Variants in PTPN4 observed in about 807,000 individuals in gnomAD.
PTPN4 encodes the protein protein tyrosine phosphatase non-receptor type 4.
In PTPN4, 49 loss-of-function variants were observed where a neutral mutation model predicts 135.5. The ratio of observed to expected loss-of-function variants is 0.36; its 90% CI spans 0.29 to 0.46. The LOEUF (loss-of-function observed/expected upper bound fraction) is 0.46, where lower values mean the gene tolerates loss of function less well. PTPN4 is among the 20% of genes least tolerant of loss of function. The pLI, the probability that PTPN4 is intolerant of heterozygous loss-of-function variation, is 1.00. For synonymous variants in PTPN4, 333 were observed against 369.9 expected (o/e 0.90, Z 1.14); for missense variants, 860 against 1,101.0 (o/e 0.78, Z 3.10).
chr2:119,778,963 G>C (rs6722893), intron 1 of PTPN4, among the ~76,000 whole-genome samples: 13,235 of 152,180 alleles, frequency 0.087, 719 homozygotes, highest in Middle Eastern at 0.18. Flanking sequence ...TCTTATTTAA[G>C]TTGTTGCATA....
At chr2:119,969,520 G>T (rs374752887) in intron 26 of PTPN4, among the ~76,000 whole-genome samples, 3 of 149,348 alleles carry the variant, frequency 2.0e-5, no homozygotes, top group African/African-American at 7.4e-5. Flanking sequence ...AAATAAAACC[G>T]CAGTACAATT....
At chr2:119,965,765 T>C (rs578136981) in intron 25 of PTPN4, 120 bp downstream of exon 25, 3 of 1,197,800 alleles carry the variant, frequency 2.5e-6, no homozygotes, top group Admixed American at 2.6e-5. Flanking sequence ...CTCAAAGCTA[T>C]GCTCTGAAGG....
At chr2:119,953,195 ACAATTTACTATTAAT>A (rs1205245480) in intron 19 of PTPN4, among the ~76,000 whole-genome samples, 1 of 152,180 alleles carries the variant, frequency 6.6e-6, no homozygotes, top group African/African-American at 2.4e-5. Context: ...TTTGTTCTAT[ACAATTTACTATTAAT>A]CATTATTTTA....
intron 16 of PTPN4, 27 bp from the exon 17 acceptor site, chr2:119,946,314 C>G (rs766444001): frequency 6.7e-7 from 1 of 1,494,050 alleles, no homozygotes; most frequent in Non-Finnish European, 9.2e-7. Context: ...AAGAAAATTA[C>G]AAGTTATTTA....
In PTPN4 at chr2:119,877,381, T is replaced by C; in HGVS notation, c.289+16T>C. 1 of 1,611,386 alleles carries C rather than the reference T, an allele frequency of 6.2e-7. No homozygotes were observed. The highest frequency in any genetic ancestry group is 1.1e-5 in the South Asian group (1 of 90,184). On this transcript the variant is annotated intron_variant, in intron 4 of 26. Transcript: ENST00000263708. ...CAGCTAAAGAGTGAGCATACATATT[T>C]ACTTAATGTTTTGCAAGTTTACTTT... is the stretch of plus-strand genomic sequence containing the variant.
intron 1 of PTPN4, among the ~76,000 whole-genome samples, chr2:119,773,577 A>G (rs149849224): frequency 1.3e-5 from 2 of 152,196 alleles, no homozygotes; most frequent in East Asian, 3.9e-4. Context: ...ATCTACTAAA[A>G]ATACAAAAAT....
chr2:119,957,038 A>G lies in PTPN4; in HGVS notation c.2094A>G (p.Leu698=). The G allele has an allele frequency of 6.2e-7, 1 of 1,610,800 alleles. No homozygotes were observed. Among genetic ancestry groups the G allele is most frequent in the Non-Finnish European group, 8.5e-7 (1 of 1,178,640 alleles). The change falls in exon 22 of 27, where the codon TTA becomes TTG. Residue 698 remains leucine (L), a synonymous_variant. Coordinates refer to ENST00000263708, the MANE Select transcript of PTPN4 (RefSeq NM_002830.4). The part of the protein sequence containing the change: ...ISPYDATRVI[L]KGNEDYINAN... ...TAGATGATGCCACACGGGTCATTTT[A>G]AAAGGTAATGAAGACTACATCAATG... is the stretch of plus-strand genomic sequence containing the variant.
chr2:119,791,466 A>G (rs999735580), intron 1 of PTPN4, among the ~76,000 whole-genome samples: 2 of 152,154 alleles, frequency 1.3e-5, no homozygotes, highest in African/African-American at 4.8e-5. Flanking sequence ...TTTTTATTAT[A>G]GGACAGATTG....
chr2:119,952,516 A>ATAG (rs1232096745), intron 19 of PTPN4, among the ~76,000 whole-genome samples: 1 of 152,160 alleles, frequency 6.6e-6, no homozygotes, highest in Non-Finnish European at 1.5e-5. Context: ...CCTGACTACC[A>ATAG]TAGCTAAAAT....
In PTPN4 at chr2:119,876,938, T is replaced by TGC. The variant is rs1238439217; in HGVS notation, c.247-384_247-383insCG. Among the ~76,000 whole-genome samples, 417 of 136,294 alleles carry TGC rather than the reference T, an allele frequency of 3.1e-3. 3 individuals carry two copies. The highest frequency in any genetic ancestry group is 8.7e-3 in the African/African-American group (328 of 37,842). 89.4% of individuals were successfully genotyped at this position (136,294 alleles called of 152,430 possible). A position where few individuals can be genotyped will look rare whatever the true frequency, so the allele number is the denominator to read the frequency against. On this transcript the variant is annotated intron_variant, in intron 3 of 26. Transcript: ENST00000263708. ...GTGTGTGTGTGTGTGTGTGTGTGTG[T>TGC]GTGCGTGAAGGGTGAAGAGAATTTT...
chr2:119,881,743 C>A (rs1678082491), intron 5 of PTPN4, 43 bp from the exon 6 acceptor site: 1 of 1,343,408 alleles, frequency 7.4e-7, no homozygotes, highest in Non-Finnish European at 1.0e-6. Flanking sequence ...GAAATTGTTA[C>A]AATTCTATTA....
At chr2:119,911,323 T>C (rs1166596841) in intron 10 of PTPN4, among the ~76,000 whole-genome samples, 2 of 152,158 alleles carry the variant, frequency 1.3e-5, no homozygotes, top group African/African-American at 4.8e-5. Context: ...GGGGTTATTT[T>C]AAGAATATAA....
intron 3 of PTPN4, 92 bp downstream of exon 3, chr2:119,862,735 T>A: frequency 9.9e-7 from 1 of 1,013,072 alleles, no homozygotes; most frequent in Non-Finnish European, 1.4e-6. Flanking sequence ...TTCACTGATT[T>A]GATGAGTTTT....
In PTPN4 at chr2:119,782,233, A is replaced by G. The variant is rs1246578081; in HGVS notation, c.-18+21849A>G. 2.0e-5 allele frequency among the ~76,000 whole-genome samples: 3 copies of G among 152,096 alleles called. No homozygotes were observed. The East Asian group carries it at 5.8e-4, about 29-fold the overall frequency. ...GGAGTTCAAAACCAGCCTGGCCAAC[A>G]TGGTGAAACCCCGTCTCTACTAAAA... On this transcript the variant is annotated intron_variant, in intron 1 of 26. Transcript: ENST00000263708.
At chr2:119,813,757 C>T (rs1322691140) in intron 2 of PTPN4, among the ~76,000 whole-genome samples, 1 of 152,156 alleles carries the variant, frequency 6.6e-6, no homozygotes. Context: ...TTGCCGTGGA[C>T]TTACTGGGAA....
At chr2:119,973,655 G>GTTTTTTTTTTTTTTGTTTTTTTTTTTTTT (rs1679569180) in intron 26 of PTPN4, among the ~76,000 whole-genome samples, 1 of 38,394 alleles carries the variant, frequency 2.6e-5, no homozygotes, top group African/African-American at 1.3e-4. Context: ...TTCATTTCTT[G>GTTTTTTTTTTTTTTGTTTTTTTTTTTTTT]TTTTTTTTTT....
chr2:119,972,526 A>C (rs894525410), intron 26 of PTPN4, among the ~76,000 whole-genome samples: 6 of 152,028 alleles, frequency 3.9e-5, no homozygotes, highest in Non-Finnish European at 8.8e-5. Flanking sequence ...CTTCTTTCCA[A>C]TCTAGATGCC....
intron 2 of PTPN4, among the ~76,000 whole-genome samples, chr2:119,826,168 C>T (rs532775827): frequency 6.7e-4 from 102 of 152,294 alleles, no homozygotes; most frequent in African/African-American, 2.5e-3. Context: ...TGGAGACTGC[C>T]TTGGCCTCAT....
At chr2:119,972,567 A>G (rs1679552077) in intron 26 of PTPN4, among the ~76,000 whole-genome samples, 2 of 152,112 alleles carry the variant, frequency 1.3e-5, no homozygotes, top group South Asian at 4.1e-4. Flanking sequence ...TTCTTGTATA[A>G]GTATCCTGGA....
Sources: gnomAD v4.1 joint callset for allele counts (sites outside exome capture counted in the v4.1 genomes callset) on GRCh38, gnomAD v4.1.1 for gene constraint, MANE v1.5 for transcripts, NCBI Gene and HGNC (gene_info 2026-07-23, HGNC 2026-07-21) for gene names.